WWOX: variants seen among roughly 807,000 people sequenced by gnomAD.
The protein encoded by WWOX is WW domain containing oxidoreductase.
A neutral mutation model predicts 46.2 loss-of-function variants in WWOX; 69 were observed. The observed-to-expected ratio is 1.49, with a 90% CI of 1.23 to 1.82. The LOEUF (loss-of-function observed/expected upper bound fraction) is 1.82. Among genes scored for constraint, WWOX ranks in the 40% most tolerant of loss-of-function variants. The pLI is 0.00. For synonymous variants in WWOX, 359 were observed against 202.6 expected, an observed-to-expected ratio of 1.77 and a Z score of -6.56; for missense variants, 919 against 542.6, an observed-to-expected ratio of 1.69 and a Z score of -6.89.
At chr16:78,768,677 G>C (rs536162079) in intron 8 of WWOX, among the ~76,000 whole-genome samples, 1 of 152,034 alleles carries the variant, frequency 6.6e-6, no homozygotes, top group South Asian at 2.1e-4. Context: ...AATTAACTCT[G>C]TAGATTGGGG....
chr16:78,965,537 T>A (rs981579179), intron 8 of WWOX, among the ~76,000 whole-genome samples: 8 of 150,078 alleles, frequency 5.3e-5, no homozygotes, highest in Non-Finnish European at 8.9e-5. Flanking sequence ...ACCATTGCAC[T>A]CCAGCCTGGG....
chr16:78,728,860 C>G (rs965958410), intron 8 of WWOX, among the ~76,000 whole-genome samples: 1 of 152,164 alleles, frequency 6.6e-6, no homozygotes, highest in Non-Finnish European at 1.5e-5. Context: ...GAGTTTCCTC[C>G]TTGTTACATG....
intron 8 of WWOX, among the ~76,000 whole-genome samples, chr16:78,846,291 C>T (rs1341996816): frequency 6.6e-6 from 1 of 152,184 alleles, no homozygotes; most frequent in Non-Finnish European, 1.5e-5. Context: ...CTATTAACTA[C>T]ACTCAGACTA....
Position 79,000,445 on chromosome 16 carries a change from G to C in WWOX, c.1057-211163G>C, listed in dbSNP as rs572191881. ...AAGATCATCCTGGATTATCTGGGTAGGCCCAGTCGAATCAGAGATGGGGAA... is the reference window on the plus strand; with the variant it reads ...AAGATCATCCTGGATTATCTGGGTACGCCCAGTCGAATCAGAGATGGGGAA... On this transcript the variant is annotated intron_variant, in intron 8 of 8. Transcript: ENST00000566780. Among the ~76,000 whole-genome samples the C allele has an allele frequency of 9.2e-5, 14 of 152,302 alleles. No homozygotes were observed. In the South Asian group the frequency reaches 2.7e-3, roughly 29 times the overall value.
At chr16:78,615,050 C>T (rs143652212) in intron 8 of WWOX, among the ~76,000 whole-genome samples, 8 of 152,124 alleles carry the variant, frequency 5.3e-5, no homozygotes, top group Non-Finnish European at 8.8e-5. Context: ...ATTGTCAATT[C>T]AGAAATAGGG....
chr16:78,702,642 A>G (rs895469218), intron 8 of WWOX, among the ~76,000 whole-genome samples: 1 of 149,494 alleles, frequency 6.7e-6, no homozygotes, highest in Non-Finnish European at 1.5e-5. Context: ...GCAACAGAGC[A>G]AGACTCTGTC....
At chr16:79,003,370 T>C (rs919654093) in intron 8 of WWOX, among the ~76,000 whole-genome samples, 22 of 152,296 alleles carry the variant, frequency 1.4e-4, no homozygotes, top group Admixed American at 6.5e-4. Context: ...ACAGAACATA[T>C]ATGGTTTCAT....
chr16:78,715,038 T>G (rs929449146), intron 8 of WWOX, among the ~76,000 whole-genome samples: 1 of 152,102 alleles, frequency 6.6e-6, no homozygotes, highest in Non-Finnish European at 1.5e-5. Flanking sequence ...CCCAGCACTT[T>G]GAGAGCTCCA....
rs1009831479 is a variant in WWOX, at chr16:79,018,113, C to T, written c.1057-193495C>T. ...GAGCAAAAGGATTTCCATTTCTAATCGGAGGCAGAGGTATCATGGCCTTCA... is the reference window on the plus strand; with the variant it reads ...GAGCAAAAGGATTTCCATTTCTAATTGGAGGCAGAGGTATCATGGCCTTCA... On this transcript the variant is annotated intron_variant, in intron 8 of 8. Transcript: ENST00000566780. Among the ~76,000 whole-genome samples, 12 of 152,152 alleles carry T rather than the reference C, an allele frequency of 7.9e-5. No individual in the cohort carries two copies. In the East Asian group the frequency reaches 9.6e-4, roughly 12 times the overall value.
chr16:78,719,347 C>T (rs1486814118), intron 8 of WWOX, among the ~76,000 whole-genome samples: 1 of 152,220 alleles, frequency 6.6e-6, no homozygotes, highest in African/African-American at 2.4e-5. Flanking sequence ...TCCCGTGAGA[C>T]CACCATTTGC....
chr16:79,211,708 C>T lies in WWOX; in HGVS notation c.1157C>T (p.Pro386Leu), dbSNP rs1351213477. 6.2e-7 allele frequency: 1 copy of T among 1,614,222 alleles called. No individual in the cohort carries two copies. ...AACTGCTGCCGCTGCATGCCCTCAC[C>T]AGAAGCTCAGAGCGAAGAGACGGCC... ...FNNCCRCMPS[P>L]EAQSEETART... is the part of the protein sequence containing the mutation. The change falls in exon 9 of 9, where the codon CCA (proline) becomes CTA (leucine). Residue 386 changes from proline to leucine, a missense_variant. Physicochemically the swap from Pro to Leu is moderately conservative, Grantham distance 98 (BLOSUM62 -3). Transcript: ENST00000566780.
At chr16:79,149,295 T>A (rs969936053) in intron 8 of WWOX, among the ~76,000 whole-genome samples, 1 of 152,228 alleles carries the variant, frequency 6.6e-6, no homozygotes. Flanking sequence ...ATCTATATGA[T>A]CATATGATTT....
intron 8 of WWOX, among the ~76,000 whole-genome samples, chr16:78,449,338 G>T (rs2083636138): frequency 6.6e-6 from 1 of 152,156 alleles, no homozygotes; most frequent in Non-Finnish European, 1.5e-5. Flanking sequence ...TATTCTTTTT[G>T]TTAGAAGGAA....
intron 5 of WWOX, among the ~76,000 whole-genome samples, chr16:78,311,718 C>T (rs2080248160): frequency 1.3e-5 from 2 of 151,982 alleles, no homozygotes; most frequent in South Asian, 4.2e-4. Context: ...GTTTATAATG[C>T]TTTAATATTT....
chr16:79,153,308 G>A (rs1597425158), intron 8 of WWOX, among the ~76,000 whole-genome samples: 1 of 152,070 alleles, frequency 6.6e-6, no homozygotes, highest in Admixed American at 6.5e-5. Flanking sequence ...CAATTTTTCT[G>A]GAGGGTCTAG....
rs550216502 is a variant in WWOX at position 78,405,933 on chromosome 16, C to A, written c.606-18937C>A. 3.9e-5 allele frequency among the ~76,000 whole-genome samples: 6 copies of A among 152,210 alleles called. No homozygotes were observed. In the South Asian group the frequency reaches 1.0e-3, roughly 26 times the overall value. The stretch of plus-strand genomic sequence containing the variant: ...TCTTATCTGTCACATACCTCTCTGA[C>A]ATGCTAAAATTGCACTAAACAAAAG... On this transcript the variant is annotated intron_variant, in intron 6 of 8. Coordinates refer to ENST00000566780, the MANE Select transcript of WWOX (RefSeq NM_016373.4).
chr16:79,006,228 A>C (rs1027128338), intron 8 of WWOX, among the ~76,000 whole-genome samples: 7 of 152,196 alleles, frequency 4.6e-5, no homozygotes, highest in African/African-American at 1.4e-4. Context: ...CTTTAAGGAT[A>C]AGTGGCATTT....
At chr16:78,135,589 T>C (rs2033760680) in intron 4 of WWOX, among the ~76,000 whole-genome samples, 1 of 152,128 alleles carries the variant, frequency 6.6e-6, no homozygotes, top group Non-Finnish European at 1.5e-5. Context: ...CTTTTTTCTA[T>C]CCATGACATT....
intron 8 of WWOX, among the ~76,000 whole-genome samples, chr16:78,593,191 G>A (rs1337940912): frequency 6.8e-6 from 1 of 146,246 alleles, no homozygotes; most frequent in Non-Finnish European, 1.5e-5. Context: ...ATTCTTTTGA[G>A]GATCACTTGA....
Sources: gnomAD v4.1 joint callset for allele counts (sites outside exome capture counted in the v4.1 genomes callset) on GRCh38, gnomAD v4.1.1 for gene constraint, MANE v1.5 for transcripts, NCBI Gene and HGNC (gene_info 2026-07-23, HGNC 2026-07-21) for gene names.